The following CLSTN2 variants were observed in gnomAD, a reference collection of about 807,000 sequenced individuals.
The protein encoded by CLSTN2 is calsyntenin 2.
A neutral mutation model predicts 101.2 loss-of-function variants in CLSTN2; 48 were observed. The observed-to-expected ratio is 0.47, with a 90% CI of 0.38 to 0.60. CLSTN2 has a LOEUF of 0.60. CLSTN2 is among the 20% of genes least tolerant of loss of function. The probability of loss-of-function intolerance (pLI) is 0.00; values close to 1 mark genes in which losing one functional copy is unlikely to be tolerated. For missense variants in CLSTN2, 1,160 were observed against 1,238.2 expected (o/e 0.94, Z 0.95); for synonymous variants, 481 against 463.6 (o/e 1.04, Z -0.48).
chr3:140,502,870 A>G (rs144897042), intron 8 of CLSTN2, among the ~76,000 whole-genome samples: 47 of 152,336 alleles, frequency 3.1e-4, no homozygotes, highest in Non-Finnish European at 5.4e-4. Context: ...TATACCACAT[A>G]TGTAGTGACT....
chr3:139,992,038 G>A (rs1396047458), intron 1 of CLSTN2, among the ~76,000 whole-genome samples: 2 of 152,076 alleles, frequency 1.3e-5, no homozygotes, highest in African/African-American at 4.8e-5. Context: ...TCACTTGTGT[G>A]GACTGAAGGT....
chr3:140,084,410 C>G (rs550590896), intron 1 of CLSTN2, among the ~76,000 whole-genome samples: 47 of 152,298 alleles, frequency 3.1e-4, no homozygotes, highest in Non-Finnish European at 5.9e-4. Context: ...CCTGTATGAG[C>G]TCTGGAAAGT....
intron 8 of CLSTN2, among the ~76,000 whole-genome samples, chr3:140,497,071 A>G: frequency 6.9e-6 from 1 of 145,356 alleles, no homozygotes; most frequent in Non-Finnish European, 1.5e-5. Context: ...ATTAACCTCT[A>G]GCTTGGGTGA....
At chr3:140,090,553 T>C (rs1410390873) in intron 1 of CLSTN2, among the ~76,000 whole-genome samples, 2 of 152,028 alleles carry the variant, frequency 1.3e-5, no homozygotes, top group Non-Finnish European at 2.9e-5. Flanking sequence ...TGCTGTCTAG[T>C]GTATGTCGGG....
intron 2 of CLSTN2, among the ~76,000 whole-genome samples, chr3:140,327,306 A>G (rs2107927128): frequency 6.6e-6 from 1 of 152,382 alleles, no homozygotes; most frequent in East Asian, 1.9e-4. Flanking sequence ...CATAGTCATT[A>G]CCCTGTACTC....
chr3:140,242,052 C>T (rs541513560), intron 2 of CLSTN2, among the ~76,000 whole-genome samples: 39 of 151,958 alleles, frequency 2.6e-4, no homozygotes, highest in African/African-American at 8.4e-4. Flanking sequence ...GGATTAGAGG[C>T]GCCCGCCACC....
At chr3:140,397,373 C>T (rs1342606231) in intron 2 of CLSTN2, among the ~76,000 whole-genome samples, 3 of 152,162 alleles carry the variant, frequency 2.0e-5, no homozygotes, top group Admixed American at 6.5e-5. Flanking sequence ...TCTGATAGTA[C>T]ACCAGAGCTC....
At position 140,552,381 on chromosome 3, in the gene CLSTN2, G is replaced by A. The variant is rs552517539; in HGVS notation, c.1675-4132G>A. 2.5e-4 allele frequency among the ~76,000 whole-genome samples: 36 copies of A among 142,190 alleles called. No individual in the cohort carries two copies. In the South Asian group the frequency reaches 8.1e-3, roughly 32 times the overall value. The allele number at this position is 142,190 out of a possible 152,430, so 93.3% of individuals were successfully genotyped here. On this transcript the variant is annotated intron_variant, in intron 10 of 16. Coordinates refer to ENST00000458420, the MANE Select transcript of CLSTN2 (RefSeq NM_022131.3). Reference sequence around the variant, plus strand: ...TTGTTTAATCAGAAACCCACCCACAGAGCTGGGAATACCGCAGTTTAAAAA... The same window carrying A: ...TTGTTTAATCAGAAACCCACCCACAAAGCTGGGAATACCGCAGTTTAAAAA...
At chr3:140,281,092 T>TA (rs1339281460) in intron 2 of CLSTN2, among the ~76,000 whole-genome samples, 3 of 152,212 alleles carry the variant, frequency 2.0e-5, no homozygotes, top group East Asian at 1.9e-4. Flanking sequence ...TGTACAGGTC[T>TA]AAATGGGAGT....
chr3:140,456,785 A>AAAAAT (rs1218517011), intron 6 of CLSTN2, among the ~76,000 whole-genome samples: 6 of 125,096 alleles, frequency 4.8e-5, no homozygotes, highest in Admixed American at 8.4e-5. Flanking sequence ...AGTCCGTCTC[A>AAAAAT]AAAATAAAAT....
At chr3:140,186,176 C>T (rs2010482859) in intron 2 of CLSTN2, among the ~76,000 whole-genome samples, 1 of 152,140 alleles carries the variant, frequency 6.6e-6, no homozygotes, top group Admixed American at 6.5e-5. Context: ...AACTGGCAAT[C>T]ATCATAGCAA....
At chr3:140,482,146 T>A (rs62266442) in intron 8 of CLSTN2, among the ~76,000 whole-genome samples, 4 of 152,082 alleles carry the variant, frequency 2.6e-5, no homozygotes, top group Non-Finnish European at 5.9e-5. Flanking sequence ...TTATTGAGAG[T>A]TTTCAGCATG....
At chr3:140,541,811 T>A (rs1325719872) in intron 9 of CLSTN2, among the ~76,000 whole-genome samples, 1 of 152,104 alleles carries the variant, frequency 6.6e-6, no homozygotes, top group Non-Finnish European at 1.5e-5. Context: ...CCAGATTCTC[T>A]TATTCTGTTT....
intron 15 of CLSTN2, 72 bp from the exon 16 acceptor site, chr3:140,563,889 C>A: frequency 6.7e-7 from 1 of 1,483,232 alleles, no homozygotes; most frequent in Non-Finnish European, 9.3e-7. Context: ...ACGGATGTTT[C>A]ATTCATGCTC....
rs1056456253 is a variant in CLSTN2 at position 140,484,147 on chromosome 3, C to G, written c.1344+17416C>G. Among the ~76,000 whole-genome samples the G allele has an allele frequency of 4.6e-5, 7 of 152,202 alleles. No individual in the cohort carries two copies. The South Asian group carries it at 6.2e-4, about 14-fold the overall frequency. On this transcript the variant is annotated intron_variant, in intron 8 of 16. Coordinates refer to ENST00000458420, the MANE Select transcript of CLSTN2 (RefSeq NM_022131.3). ...AGTGCTTCCTTCAGGAGCTCTTTTACGGCAGGCCTGGTGGTGACAAAAATC... is the reference window on the plus strand; with the variant it reads ...AGTGCTTCCTTCAGGAGCTCTTTTAGGGCAGGCCTGGTGGTGACAAAAATC...
intron 1 of CLSTN2, among the ~76,000 whole-genome samples, chr3:140,144,968 C>A (rs553582013): frequency 6.6e-6 from 1 of 152,210 alleles, no homozygotes; most frequent in Non-Finnish European, 1.5e-5. Flanking sequence ...CTCTGATTTC[C>A]CCCAGAGGAC....
intron 8 of CLSTN2, among the ~76,000 whole-genome samples, chr3:140,469,594 G>A (rs1248687497): frequency 6.6e-6 from 1 of 152,136 alleles, no homozygotes; most frequent in Non-Finnish European, 1.5e-5. Flanking sequence ...CCAGTCTCCA[G>A]GCAGAACTCC....
chr3:140,246,878 A>G (rs2086522598), intron 2 of CLSTN2, among the ~76,000 whole-genome samples: 1 of 152,124 alleles, frequency 6.6e-6, no homozygotes, highest in Non-Finnish European at 1.5e-5. Flanking sequence ...GATATGGGCT[A>G]TGAATTCAGA....
chr3:140,100,011 C>T (rs968962541), intron 1 of CLSTN2, among the ~76,000 whole-genome samples: 1 of 152,174 alleles, frequency 6.6e-6, no homozygotes. Flanking sequence ...CATCCTCTTT[C>T]TCCTTCGTTT....
Sources: allele counts gnomAD v4.1 joint callset (sites outside exome capture counted in the v4.1 genomes callset), GRCh38; gene constraint gnomAD v4.1.1; transcripts MANE v1.5; gene names NCBI Gene and HGNC (gene_info 2026-07-23, HGNC 2026-07-21).